The following SHARPIN variants were observed in gnomAD, a reference collection of about 807,000 sequenced individuals.
SHARPIN encodes hSIPL1.
In SHARPIN, 25 loss-of-function variants were observed where a neutral mutation model predicts 40.3. That is an observed-to-expected ratio of 0.62 (90% CI 0.45 to 0.87). SHARPIN has a LOEUF of 0.87. Ranked by LOEUF, SHARPIN falls within the 40% of genes least tolerant of loss-of-function variation. The pLI is 0.00. For missense variants in SHARPIN, 551 were observed against 516.1 expected (o/e 1.07, Z -0.66); for synonymous variants, 274 against 221.8 (o/e 1.24, Z -2.09).
In SHARPIN at chr8:144,102,603, A is replaced by T. The variant is rs1270965117; in HGVS notation, c.376+448T>A. The T allele has an allele frequency of 2.6e-5, 5 of 194,808 alleles. No homozygotes were observed. The East Asian group carries it at 7.7e-4, about 30-fold the overall frequency. The allele number at this position is 194,808 out of a possible 1,614,324, so 12.1% of individuals were successfully genotyped here. A position where few individuals can be genotyped will look rare whatever the true frequency, so the allele number is the denominator to read the frequency against. On this transcript the variant is annotated intron_variant, in intron 2 of 8. Coordinates refer to ENST00000398712, the MANE Select transcript of SHARPIN (RefSeq NM_030974.4). ...TTCCATCTTCTAAGCATCTCTAGAAACATCCTTCTCCCCAACCCTATCTGC... is the reference window on the plus strand; with the variant it reads ...TTCCATCTTCTAAGCATCTCTAGAATCATCCTTCTCCCCAACCCTATCTGC...
In SHARPIN at chr8:144,103,646, G is replaced by T. The variant is rs899594615; in HGVS notation, c.108C>A (p.Asp36Glu). Residue 36 changes from aspartate to glutamate, a missense_variant, in exon 1 of 9, where the codon GAC becomes GAA. Physicochemically the swap from Asp to Glu is conservative, Grantham distance 45. Transcript: ENST00000398712. ...AAVRPLGAGP[D>E]AEAQLRRLQL... ...GCAGCCTCCGCAGCTGTGCCTCGGC[G>T]TCTGGCCCGGCGCCCAGCGGCCTCA... 1 of 1,524,706 alleles carries T rather than the reference G, an allele frequency of 6.6e-7. No homozygotes were observed. Among genetic ancestry groups the T allele is most frequent in the African/African-American group, 1.4e-5 (1 of 71,018 alleles). 94.4% of individuals were successfully genotyped at this position (1,524,706 alleles called of 1,614,324 possible).
In SHARPIN at chr8:144,099,106, G is replaced by A. The variant is rs987022192; in HGVS notation, c.1022C>T (p.Ala341Val). ...LGLPPGPQPA[A>V]SSLPSPLQPS... is the part of the protein sequence containing the mutation. ...CTGGAGTGGACTGGGCAGGCTGGAG[G>A]CAGCTGGCTGGGGGCCTGGGGGTAG... is the stretch of plus-strand genomic sequence containing the variant. Residue 341 changes from alanine to valine, a missense_variant, in exon 7 of 9, where the codon GCC (alanine) becomes GTC (valine). Ala to Val is a moderately conservative substitution (Grantham distance 64, BLOSUM62 0). Transcript: ENST00000398712. 2.5e-6 allele frequency: 4 copies of A among 1,583,606 alleles called. No homozygotes were observed. The Admixed American group carries it at 7.6e-5, about 30-fold the overall frequency.
At position 144,103,118 on chromosome 8, in the gene SHARPIN, G is replaced by T. The variant is rs774549186; in HGVS notation, c.309C>A (p.Phe103Leu). The T allele has an allele frequency of 6.2e-7, 1 of 1,613,506 alleles. No homozygotes were observed. Among genetic ancestry groups the T allele is most frequent in the African/African-American group, 1.3e-5 (1 of 74,826 alleles). ...ACCGCTGAGCTTCCTGAGGGTTGAG[G>T]AAGTGCAGGCTGAGGGTTCCAGGCC... ...PGGPGTLSLH[F>L]LNPQEAQRWA... The change falls in exon 2 of 9, where the codon TTC becomes TTA. Residue 103 changes from phenylalanine to leucine, a missense_variant. By Grantham distance (22) the Phe-to-Leu change is conservative. Coordinates refer to ENST00000398712, the MANE Select transcript of SHARPIN (RefSeq NM_030974.4).
chr8:144,100,947 TG>T (rs1314419060), intron 2 of SHARPIN: 1 of 151,538 alleles, frequency 6.6e-6, no homozygotes, highest in Admixed American at 6.6e-5. Context: ...GCGATTCTCC[TG>T]CCTCAGCCTC....
chr8:144,103,157 C>T lies in SHARPIN; in HGVS notation c.270G>A (p.Gln90=). The T allele has an allele frequency of 6.2e-7, 1 of 1,613,704 alleles. No individual in the cohort carries two copies. Among genetic ancestry groups the T allele is most frequent in the South Asian group, 1.1e-5 (1 of 91,082 alleles). Residue 90 remains glutamine (Q), a synonymous_variant, in exon 2 of 9, where the codon CAG becomes CAA. Coordinates refer to ENST00000398712, the MANE Select transcript of SHARPIN (RefSeq NM_030974.4). ...TIRGPTQHEL[Q]PPPGGPGTLS... ...GGGTTCCAGGCCCTCCTGGTGGAGG[C>T]TGTAGCTCGTGCTGGGTGGGGCCTC...
In SHARPIN at chr8:144,103,161, A is replaced by AG; in HGVS notation, c.265dup (p.Leu89ProfsTer71). Reference sequence around the variant, plus strand: ...TCCAGGCCCTCCTGGTGGAGGCTGTAGCTCGTGCTGGGTGGGGCCTCGGAT... The same window carrying AG: ...TCCAGGCCCTCCTGGTGGAGGCTGTAGGCTCGTGCTGGGTGGGGCCTCGGAT... On this transcript the variant is annotated frameshift_variant, in exon 2 of 9. Transcript: ENST00000398712. LOFTEE classifies it high-confidence loss of function. 1 of 1,613,674 alleles carries AG rather than the reference A, an allele frequency of 6.2e-7. No homozygotes were observed. The highest frequency in any genetic ancestry group is 8.5e-7 in the Non-Finnish European group (1 of 1,179,978).
At position 144,100,005 on chromosome 8, in the gene SHARPIN, G is replaced by A. The variant is rs771449782; in HGVS notation, c.441C>T (p.Pro147=). 1.4e-5 allele frequency: 23 copies of A among 1,607,426 alleles called. No individual in the cohort carries two copies. In the South Asian group the frequency reaches 2.0e-4, roughly 14 times the overall value. The change falls in exon 3 of 9, where the codon CCC becomes CCT. Residue 147 remains proline, a synonymous_variant. Transcript: ENST00000398712. The part of the protein sequence containing the change: ...PEACPVSLPS[P]PEASTLKGPP... ...GGCCCTTGAGTGTGGAGGCTTCCGG[G>A]GGACTGGGCAGGGAGACAGGGCATG...
At chr8:144,100,591 G>C (rs963116033) in intron 2 of SHARPIN, among the ~76,000 whole-genome samples, 1 of 152,254 alleles carries the variant, frequency 6.6e-6, no homozygotes, top group Non-Finnish European at 1.5e-5. Context: ...TCCCCATCCA[G>C]TGCTGACACA....
At chr8:144,102,731 C>T in intron 2 of SHARPIN, 1 of 467,614 alleles carries the variant, frequency 2.1e-6, no homozygotes, top group Non-Finnish European at 3.9e-6. Flanking sequence ...ATGATGTCTT[C>T]TCACACAGGT....
chr8:144,101,199 GACTTTCTTTTTTAAAAA>G (rs1836279944), intron 2 of SHARPIN, among the ~76,000 whole-genome samples: 1 of 151,276 alleles, frequency 6.6e-6, no homozygotes. Context: ...CCATCTAACA[GACTTTCTTTTTTAAAAA>G]ACTCTACAGT....
chr8:144,099,299 C>G lies in SHARPIN; in HGVS notation c.900G>C (p.Leu300=). 6.2e-7 allele frequency: 1 copy of G among 1,614,120 alleles called. No homozygotes were observed. Among genetic ancestry groups the G allele is most frequent in the Non-Finnish European group, 8.5e-7 (1 of 1,179,990 alleles). ...QDGDPAFLYL[L]SAPREAPATG... ...GACCTGGGGCTTCTCGAGGAGCTGA[C>G]AGCAAGTAGAGGAAAGCAGGGTCCC... is the stretch of plus-strand genomic sequence containing the variant. Residue 300 remains leucine, a synonymous_variant, in exon 6 of 9, where the codon CTG becomes CTC. Coordinates refer to ENST00000398712, the MANE Select transcript of SHARPIN (RefSeq NM_030974.4).
At chr8:144,100,518 G>A (rs939636224) in intron 2 of SHARPIN, among the ~76,000 whole-genome samples, 3 of 152,208 alleles carry the variant, frequency 2.0e-5, no homozygotes, top group African/African-American at 7.2e-5. Flanking sequence ...CTTCAGAGCT[G>A]AGCACCCTGC....
At chr8:144,100,546 C>T (rs533501411) in intron 2 of SHARPIN, among the ~76,000 whole-genome samples, 3 of 152,356 alleles carry the variant, frequency 2.0e-5, no homozygotes, top group South Asian at 4.1e-4. Context: ...CCTTCTTACC[C>T]GCCCTGTGAG....
chr8:144,103,617 A>C lies in SHARPIN; in HGVS notation c.137T>G (p.Leu46Arg). The C allele has an allele frequency of 1.3e-6, 2 of 1,529,564 alleles. No individual in the cohort carries two copies. The highest frequency in any genetic ancestry group is 2.4e-5 in the South Asian group (2 of 83,800). The allele number at this position is 1,529,564 out of a possible 1,614,324, so 94.7% of individuals were successfully genotyped here. The change falls in exon 1 of 9, where the codon CTG becomes CGG. Residue 46 changes from leucine to arginine, a missense_variant. Physicochemically the swap from Leu to Arg is moderately radical, Grantham distance 102. Transcript: ENST00000398712. ...DAEAQLRRLQLSADPERPGRF... is the reference protein window; with the variant it reads ...DAEAQLRRLQRSADPERPGRF... ...CCCAGGCCGCTCAGGGTCCGCGCTC[A>C]GCTGCAGCCTCCGCAGCTGTGCCTC...
In SHARPIN at chr8:144,098,965, GA is replaced by G; in HGVS notation, c.1076del (p.Phe359SerfsTer53). The G allele has an allele frequency of 6.3e-7, 1 of 1,598,182 alleles. No individual in the cohort carries two copies. The highest frequency in any genetic ancestry group is 1.9e-5 in the Admixed American group (1 of 53,870). On this transcript the variant is annotated frameshift_variant, in exon 8 of 9. Coordinates refer to ENST00000398712, the MANE Select transcript of SHARPIN (RefSeq NM_030974.4). LOFTEE classifies it high-confidence loss of function. Reference sequence around the variant, plus strand: ...AGCCAGGGCGGTCTGGGGCATTGATGAAGGTGCAGGAAGGACAGGACCAGCT... The same window carrying G: ...AGCCAGGGCGGTCTGGGGCATTGATGAGGTGCAGGAAGGACAGGACCAGCT... ...QPSWSCPSCT[F>X]INAPDRPGCE... is the part of the protein sequence containing the mutation.
chr8:144,103,499 C>T (rs552702150), intron 1 of SHARPIN, 54 bp downstream of exon 1: 1 of 1,511,470 alleles, frequency 6.6e-7, no homozygotes, highest in South Asian at 1.2e-5. Flanking sequence ...ACTTTGGGCT[C>T]CGTGCCCTGC....
chr8:144,099,366 A>G lies in SHARPIN; in HGVS notation c.833T>C (p.Val278Ala), dbSNP rs1202138048. The G allele has an allele frequency of 6.2e-6, 10 of 1,613,988 alleles. No homozygotes were observed. The highest frequency in any genetic ancestry group is 1.1e-5 in the South Asian group (1 of 91,090). Residue 278 changes from valine (V) to alanine (A), a missense_variant, in exon 6 of 9, where the codon GTG becomes GCG. Physicochemically the swap from Val to Ala is moderately conservative, Grantham distance 64. Transcript: ENST00000398712. ...GTAAGAGGCAAGGCTGCGCTCAGGC[A>G]CACACAGGCACCGTCCGATGACCCA... is the stretch of plus-strand genomic sequence containing the variant. The part of the protein sequence containing the change: ...QRWVIGRCLC[V>A]PERSLASYGV...
At chr8:144,103,338 C>A in intron 1 of SHARPIN, 113 bp from the exon 2 acceptor site, 1 of 1,254,020 alleles carries the variant, frequency 8.0e-7, no homozygotes, top group Non-Finnish European at 1.1e-6. Flanking sequence ...AAGCCCTGTA[C>A]GCCTATCATC....
At chr8:144,101,628 G>A in intron 2 of SHARPIN, among the ~76,000 whole-genome samples, 1 of 141,952 alleles carries the variant, frequency 7.0e-6, no homozygotes, top group African/African-American at 2.6e-5. Context: ...GTGTTAGCCA[G>A]GATGGTCTCG....
Sources: gnomAD v4.1 joint callset for allele counts (sites outside exome capture counted in the v4.1 genomes callset) on GRCh38, gnomAD v4.1.1 for gene constraint, MANE v1.5 for transcripts, NCBI Gene and HGNC (gene_info 2026-07-23, HGNC 2026-07-21) for gene names.